Variants in COA7 observed in about 807,000 individuals in gnomAD.
The protein encoded by COA7 is Sel1 repeat containing 1.
COA7 carries 12 observed loss-of-function variants against 21.0 expected under a neutral mutation model. The observed-to-expected ratio is 0.57, with a 90% CI of 0.37 to 0.92. COA7 has a LOEUF of 0.92. COA7 is among the 40% of genes least tolerant of loss of function. The pLI is 0.01. For synonymous variants in COA7, 95 were observed against 107.4 expected (o/e 0.88, Z 0.72); for missense variants, 240 against 286.1 (o/e 0.84, Z 1.16).
Position 52,685,727 on chromosome 1 carries a change from AGATAATTTTTGTATTTTTAGTAG to A in COA7, c.*1970_*1992del, listed in dbSNP as rs1217174505. Reference sequence around the variant, plus strand: ...ACAACAGGTGCCCACCACCACACCCAGATAATTTTTGTATTTTTAGTAGATACGAGGTTTCACTATGTTGGCCA... The same window carrying A: ...ACAACAGGTGCCCACCACCACACCCAATACGAGGTTTCACTATGTTGGCCA... On this transcript the variant is annotated 3_prime_UTR_variant, in exon 3 of 3. Transcript: ENST00000371538. 6.6e-6 allele frequency: 1 copy of A among 152,036 alleles called. No individual in the cohort carries two copies. The highest frequency in any genetic ancestry group is 1.5e-5 in the Non-Finnish European group (1 of 68,038). 9.4% of individuals were successfully genotyped at this position (152,036 alleles called of 1,614,324 possible). A position where few individuals can be genotyped will look rare whatever the true frequency, so the allele number is the denominator to read the frequency against.
chr1:52,696,652 C>CT (rs899119965), intron 1 of COA7, among the ~76,000 whole-genome samples: 2 of 151,264 alleles, frequency 1.3e-5, no homozygotes, highest in South Asian at 4.2e-4. Context: ...GCCAGTGCCA[C>CT]TTTTTTTCTT....
chr1:52,691,234 G>A (rs1003412326), intron 2 of COA7, among the ~76,000 whole-genome samples: 1 of 152,046 alleles, frequency 6.6e-6, no homozygotes, highest in Non-Finnish European at 1.5e-5. Context: ...TGACAACATA[G>A]TGAGATCCTG....
chr1:52,689,472 A>ATT (rs373201684), intron 2 of COA7, among the ~76,000 whole-genome samples: 2 of 148,092 alleles, frequency 1.4e-5, no homozygotes, highest in African/African-American at 2.5e-5. Flanking sequence ...TTTTTTTGTG[A>ATT]TTTTTTTTTT....
chr1:52,690,981 G>A (rs1023481072), intron 2 of COA7, among the ~76,000 whole-genome samples: 2 of 151,886 alleles, frequency 1.3e-5, no homozygotes, highest in African/African-American at 4.8e-5. Flanking sequence ...AGTGGCAAAC[G>A]CCCCTGTAAT....
At chr1:52,695,733 A>G (rs1644079529) in intron 1 of COA7, among the ~76,000 whole-genome samples, 1 of 152,178 alleles carries the variant, frequency 6.6e-6, no homozygotes, top group East Asian at 1.9e-4. Flanking sequence ...TTAGAAGGCG[A>G]CTTCAGTTAT....
chr1:52,696,286 G>A (rs1016600622), intron 1 of COA7, among the ~76,000 whole-genome samples: 2 of 152,142 alleles, frequency 1.3e-5, no homozygotes, highest in Non-Finnish European at 2.9e-5. Flanking sequence ...CCATTCTCCT[G>A]TCTCAGCCTC....
At chr1:52,689,753 CG>C (rs1349809726) in intron 2 of COA7, among the ~76,000 whole-genome samples, 1 of 150,636 alleles carries the variant, frequency 6.6e-6, no homozygotes, top group Admixed American at 6.6e-5. Flanking sequence ...AGGCTGGGCG[CG>C]GTGGCTTACG....
chr1:52,690,288 AT>A (rs1644035219), intron 2 of COA7, among the ~76,000 whole-genome samples: 2 of 152,230 alleles, frequency 1.3e-5, no homozygotes, highest in East Asian at 3.9e-4. Flanking sequence ...ATCTCAAAAA[AT>A]ATAAACATTT....
intron 2 of COA7, among the ~76,000 whole-genome samples, chr1:52,691,243 T>C (rs1306802075): frequency 1.3e-5 from 2 of 152,180 alleles, no homozygotes; most frequent in African/African-American, 2.4e-5. Context: ...AGTGAGATCC[T>C]GTCTCTACAA....
At position 52,687,961 on chromosome 1, in the gene COA7, T is replaced by C. The variant is rs767702539; in HGVS notation, c.455A>G (p.Asn152Ser). 3.7e-6 allele frequency: 6 copies of C among 1,614,080 alleles called. No homozygotes were observed. The highest frequency in any genetic ancestry group is 1.1e-5 in the South Asian group (1 of 91,088). ...ACCCTGCAGGAACATGGCACTGAGG[T>C]TGAAGCAACTGGAAGTATAGCCACC... ...CDGGYTSSCF[N>S]LSAMFLQGAP... The change falls in exon 3 of 3, where the codon AAC becomes AGC. Residue 152 changes from asparagine (N) to serine (S), a missense_variant. Around this residue, in one of 3 missense-constraint regions of COA7, gnomAD observed 163 missense variants for 214.1 expected, o/e 0.76. Coordinates refer to ENST00000371538, the MANE Select transcript of COA7 (RefSeq NM_023077.3).
At chr1:52,693,637 GA>G (rs1405039530) in intron 1 of COA7, among the ~76,000 whole-genome samples, 1 of 149,564 alleles carries the variant, frequency 6.7e-6, no homozygotes, top group Non-Finnish European at 1.5e-5. Context: ...GAAAGAAAAA[GA>G]AAAGGGTGCT....
chr1:52,695,297 GAAAA>G (rs35222338), intron 1 of COA7, among the ~76,000 whole-genome samples: 7 of 68,230 alleles, frequency 1.0e-4, no homozygotes, highest in Non-Finnish European at 1.7e-4. Context: ...CAGCCTCAGG[GAAAA>G]AAAAAAAAAA....
chr1:52,688,213 C>A, intron 2 of COA7, 45 bp from the exon 3 acceptor site: 1 of 1,474,034 alleles, frequency 6.8e-7, no homozygotes, highest in African/African-American at 1.4e-5. Flanking sequence ...AGCCAGGGCA[C>A]AACCTAAATG....
rs1462448979 is a variant in COA7 at position 52,685,180 on chromosome 1, G to GT, written c.*2539dup. 6.6e-6 allele frequency: 1 copy of GT among 152,184 alleles called. No individual in the cohort carries two copies. The highest frequency in any genetic ancestry group is 1.9e-4 in the East Asian group (1 of 5,194). 9.4% of individuals were successfully genotyped at this position (152,184 alleles called of 1,614,324 possible). On this transcript the variant is annotated 3_prime_UTR_variant, in exon 3 of 3. Coordinates refer to ENST00000371538, the MANE Select transcript of COA7 (RefSeq NM_023077.3). ...CATGGTAAGAGCTTACCTAGTTTTT[G>GT]TAAGAAACTGCTTAACTGTCTTCCA...
chr1:52,688,694 A>C (rs1181036576), intron 2 of COA7, among the ~76,000 whole-genome samples: 1 of 152,144 alleles, frequency 6.6e-6, no homozygotes, highest in African/African-American at 2.4e-5. Context: ...AAGAAAAAAA[A>C]ATGTCCATAC....
Position 52,687,692 on chromosome 1 carries a change from T to C in COA7, c.*28A>G, listed in dbSNP as rs1452463843. On this transcript the variant is annotated 3_prime_UTR_variant, in exon 3 of 3. Coordinates refer to ENST00000371538, the MANE Select transcript of COA7 (RefSeq NM_023077.3). ...CAGGAGCTGCCAGCCTCAAGCAGTT[T>C]GTTGCCTGGGAGGGAGGGTGGACCA... The C allele has an allele frequency of 6.3e-7, 1 of 1,599,018 alleles. No individual in the cohort carries two copies. Among genetic ancestry groups the C allele is most frequent in the Non-Finnish European group, 8.6e-7 (1 of 1,169,434 alleles).
intron 2 of COA7, among the ~76,000 whole-genome samples, 157 bp downstream of exon 2, chr1:52,692,570 T>TC (rs1644055227): frequency 6.6e-6 from 1 of 152,202 alleles, no homozygotes; most frequent in South Asian, 2.1e-4. Context: ...GCTGTGTTCT[T>TC]CCCCCCATCA....
intron 2 of COA7, among the ~76,000 whole-genome samples, chr1:52,692,256 G>T (rs1359658996): frequency 1.3e-5 from 2 of 152,126 alleles, no homozygotes; most frequent in African/African-American, 4.8e-5. Context: ...CTATTGAGGT[G>T]AACAAAAATA....
chr1:52,693,663 T>C (rs949570747), intron 1 of COA7, among the ~76,000 whole-genome samples: 7 of 150,300 alleles, frequency 4.7e-5, no homozygotes, highest in Middle Eastern at 3.6e-3. Flanking sequence ...TGACTATAGC[T>C]TACTCCTCAG....
Sources: gnomAD v4.1 joint callset for allele counts (sites outside exome capture counted in the v4.1 genomes callset) on GRCh38, gnomAD v4.1.1 for gene constraint, gnomAD v4.1.1 regional missense constraint, MANE v1.5 for transcripts, NCBI Gene and HGNC (gene_info 2026-07-23, HGNC 2026-07-21) for gene names.